The following ZNF407 variants were observed in gnomAD, a reference collection of about 807,000 sequenced individuals.
ZNF407 encodes zinc finger protein 407.
A neutral mutation model predicts 131.2 loss-of-function variants in ZNF407; 17 were observed. The ratio of observed to expected loss-of-function variants is 0.13; its 90% CI spans 0.09 to 0.19. The LOEUF is 0.19. ZNF407 is among the 10% of genes least tolerant of loss of function. The pLI, the probability that ZNF407 is intolerant of heterozygous loss-of-function variation, is 1.00. For missense variants in ZNF407, 2,681 were observed against 2,830.6 expected, an observed-to-expected ratio of 0.95 and a Z score of 1.20; for synonymous variants, 1,156 against 1,062.0, an observed-to-expected ratio of 1.09 and a Z score of -1.72.
chr18:74,787,528 A>G (rs1437836717), intron 4 of ZNF407, among the ~76,000 whole-genome samples: 1 of 152,146 alleles, frequency 6.6e-6, no homozygotes, highest in African/African-American at 2.4e-5. Context: ...TGCGGGGTGG[A>G]GAGCCTTCTC....
chr18:74,794,972 A>G (rs1969892953), intron 4 of ZNF407, among the ~76,000 whole-genome samples: 1 of 152,194 alleles, frequency 6.6e-6, no homozygotes, highest in South Asian at 2.1e-4. Context: ...ATTTGTTTAA[A>G]TGAACAAGAA....
chr18:75,003,822 A>C (rs1972876092), intron 8 of ZNF407, among the ~76,000 whole-genome samples: 1 of 152,194 alleles, frequency 6.6e-6, no homozygotes, highest in African/African-American at 2.4e-5. Context: ...ACACTCAACA[A>C]AAATTGTCAG....
intron 8 of ZNF407, among the ~76,000 whole-genome samples, chr18:74,944,536 AAAAGCCCT>A (rs1972133870): frequency 6.6e-6 from 1 of 152,210 alleles, no homozygotes; most frequent in East Asian, 1.9e-4. Context: ...ACTAAATACA[AAAAGCCCT>A]AAATGTGCAG....
chr18:74,663,975 C>T (rs1190620272), intron 3 of ZNF407, among the ~76,000 whole-genome samples: 1 of 152,150 alleles, frequency 6.6e-6, no homozygotes, highest in African/African-American at 2.4e-5. Flanking sequence ...AGATGCTGTG[C>T]CACAAACTAT....
chr18:74,848,036 T>C (rs1287404482), intron 4 of ZNF407, among the ~76,000 whole-genome samples: 4 of 152,196 alleles, frequency 2.6e-5, no homozygotes, highest in Admixed American at 2.6e-4. Flanking sequence ...TTTTTTCTAA[T>C]TACAAATTTG....
chr18:74,928,942 T>A (rs77145937), intron 8 of ZNF407, among the ~76,000 whole-genome samples: 1,693 of 152,188 alleles, frequency 0.011, 28 homozygotes, highest in African/African-American at 0.037. Context: ...AAGAATATCA[T>A]CCTGAAAAAA....
Position 75,063,362 on chromosome 18 carries a change from T to A in ZNF407, c.5641T>A (p.Ser1881Thr). ...CGACGGGGAGTTTGCCCTGGACCCC[T>A]CGGTGGAGGAGACGGCCGCCGCCAC... ...GYDGEFALDP[S>T]VEETAAATLQ... The change falls in exon 9 of 9, where the codon TCG becomes ACG. Residue 1881 changes from serine to threonine, a missense_variant. By Grantham distance (58) the Ser-to-Thr change is moderately conservative. This residue lies in a region of ZNF407 where 620 missense variants were observed against 583.1 expected (regional missense o/e 1.06). Transcript: ENST00000299687. The surrounding 1 kb of genome is among the most constrained non-coding windows in gnomAD (Gnocchi z 6.6). The A allele has an allele frequency of 1.9e-6, 3 of 1,611,944 alleles. No homozygotes were observed. The highest frequency in any genetic ancestry group is 2.5e-6 in the Non-Finnish European group (3 of 1,179,318).
At chr18:74,841,639 A>G (rs1209148893) in intron 4 of ZNF407, among the ~76,000 whole-genome samples, 1 of 152,226 alleles carries the variant, frequency 6.6e-6, no homozygotes, top group Non-Finnish European at 1.5e-5. Context: ...GGTTGTTGCT[A>G]ATGATGTTAA....
At chr18:74,693,297 A>G (rs1967274441) in intron 3 of ZNF407, among the ~76,000 whole-genome samples, 1 of 152,208 alleles carries the variant, frequency 6.6e-6, no homozygotes, top group Non-Finnish European at 1.5e-5. Context: ...TCTCATTGTT[A>G]GCATGGGAGT....
At chr18:74,920,052 T>G (rs150774574) in intron 7 of ZNF407, among the ~76,000 whole-genome samples, 7 of 152,286 alleles carry the variant, frequency 4.6e-5, no homozygotes, top group South Asian at 2.1e-4. Context: ...AATTCCATCT[T>G]CACATTATTT....
At chr18:75,000,868 G>C (rs145108348) in intron 8 of ZNF407, among the ~76,000 whole-genome samples, 3 of 152,138 alleles carry the variant, frequency 2.0e-5, no homozygotes, top group African/African-American at 7.2e-5. Context: ...CGAATGCTTG[G>C]AGAATGATTA....
intron 3 of ZNF407, among the ~76,000 whole-genome samples, chr18:74,722,414 T>C (rs1307222184): frequency 6.6e-6 from 1 of 152,242 alleles, no homozygotes; most frequent in Non-Finnish European, 1.5e-5. Context: ...CATTTCTTGC[T>C]AGCCTGTCAG....
At chr18:74,755,749 C>CT (rs896743299) in intron 3 of ZNF407, among the ~76,000 whole-genome samples, 3 of 117,132 alleles carry the variant, frequency 2.6e-5, no homozygotes, top group African/African-American at 1.3e-4. Flanking sequence ...TTCTTTCTTT[C>CT]TTTCTTTCTT....
Position 74,693,458 on chromosome 18 carries a change from A to G in ZNF407, c.4802+52336A>G, listed in dbSNP as rs904767987. ...TATAGTGGGTGTCTGCTGGTAATTAATCTCAGCTTTTGTTTCTCTGAAAAA... is the reference window on the plus strand; with the variant it reads ...TATAGTGGGTGTCTGCTGGTAATTAGTCTCAGCTTTTGTTTCTCTGAAAAA... On this transcript the variant is annotated intron_variant, in intron 3 of 8. Coordinates refer to ENST00000299687, the MANE Select transcript of ZNF407 (RefSeq NM_017757.3). Among the ~76,000 whole-genome samples the G allele has an allele frequency of 9.9e-5, 15 of 152,284 alleles. No individual in the cohort carries two copies. In the East Asian group the frequency reaches 2.9e-3, roughly 29 times the overall value.
intron 4 of ZNF407, among the ~76,000 whole-genome samples, chr18:74,861,276 T>C (rs540170309): frequency 3.9e-5 from 6 of 152,332 alleles, no homozygotes; most frequent in African/African-American, 1.2e-4. Context: ...CACATTCTTG[T>C]TGTGTAAGCA....
intron 8 of ZNF407, among the ~76,000 whole-genome samples, chr18:74,948,254 C>T (rs962499614): frequency 2.6e-5 from 4 of 152,158 alleles, no homozygotes; most frequent in Non-Finnish European, 5.9e-5. Context: ...CGGCTTTTTT[C>T]ACTTTATGTG....
intron 3 of ZNF407, among the ~76,000 whole-genome samples, chr18:74,696,559 GCCTCCACGGAAC>G (rs1967360965): frequency 6.6e-6 from 1 of 152,174 alleles, no homozygotes; most frequent in Non-Finnish European, 1.5e-5. Context: ...ATCTTAAGAT[GCCTCCACGGAAC>G]TTTTCTTAGA....
intron 8 of ZNF407, among the ~76,000 whole-genome samples, chr18:75,051,361 C>T (rs1973498682): frequency 6.6e-6 from 1 of 152,176 alleles, no homozygotes; most frequent in Admixed American, 6.5e-5. Flanking sequence ...TTCCTGTGCT[C>T]ACTTACGGAA....
chr18:74,915,706 T>TGA, intron 7 of ZNF407, among the ~76,000 whole-genome samples: 1 of 99,648 alleles, frequency 1.0e-5, no homozygotes, highest in Non-Finnish European at 2.1e-5. Flanking sequence ...TGTGTGTGTG[T>TGA]GTGTGTGTGT....
Sources: gnomAD v4.1 joint callset for allele counts (sites outside exome capture counted in the v4.1 genomes callset) on GRCh38, gnomAD v4.1.1 for gene constraint, gnomAD v4.1.1 regional missense constraint, Gnocchi (gnomAD v3.1) non-coding constraint, MANE v1.5 for transcripts, NCBI Gene and HGNC (gene_info 2026-07-23, HGNC 2026-07-21) for gene names.